The following OLA1 variants were observed in gnomAD, a reference collection of about 807,000 sequenced individuals.
The protein encoded by OLA1 is obg-like ATPase 1.
OLA1 carries 14 observed loss-of-function variants against 48.4 expected under a neutral mutation model. That is an observed-to-expected ratio of 0.29 (90% CI 0.19 to 0.45). The LOEUF (loss-of-function observed/expected upper bound fraction) is 0.45. OLA1 is among the 20% of genes least tolerant of loss of function. The pLI is 1.00. For synonymous variants in OLA1, 127 were observed against 150.4 expected, an observed-to-expected ratio of 0.84 and a Z score of 1.14; for missense variants, 325 against 467.1, an observed-to-expected ratio of 0.70 and a Z score of 2.80.
chr2:174,208,017 C>T (rs1370756877), intron 4 of OLA1, among the ~76,000 whole-genome samples: 2 of 152,140 alleles, frequency 1.3e-5, no homozygotes, highest in Non-Finnish European at 2.9e-5. Context: ...TTCTATGTTA[C>T]AAAATTTGCA....
intron 4 of OLA1, among the ~76,000 whole-genome samples, chr2:174,158,893 A>T (rs935000073): frequency 6.6e-6 from 1 of 152,170 alleles, no homozygotes; most frequent in Non-Finnish European, 1.5e-5. Flanking sequence ...ACTTCATGGC[A>T]AACTTATTCC....
rs753794760 is a variant in OLA1 at position 174,123,706 on chromosome 2, T to C, written c.550-31A>G. On this transcript the variant is annotated intron_variant, in intron 5 of 10. Coordinates refer to ENST00000284719, the MANE Select transcript of OLA1 (RefSeq NM_013341.5). Reference sequence around the variant, plus strand: ...CATGATTGAGAAAAAGGTAAATATATATGAATAACTAAACATTTAGATACT... The same window carrying C: ...CATGATTGAGAAAAAGGTAAATATACATGAATAACTAAACATTTAGATACT... 6.9e-6 allele frequency: 8 copies of C among 1,151,824 alleles called. No homozygotes were observed. The African/African-American group carries it at 7.9e-5, about 11-fold the overall frequency. 71.4% of individuals were successfully genotyped at this position (1,151,824 alleles called of 1,614,324 possible). A position where few individuals can be genotyped will look rare whatever the true frequency, so the allele number is the denominator to read the frequency against.
chr2:174,227,490 A>G (rs1050001798), intron 3 of OLA1, among the ~76,000 whole-genome samples: 2 of 152,216 alleles, frequency 1.3e-5, no homozygotes, highest in Non-Finnish European at 2.9e-5. Flanking sequence ...GAAGTATAAT[A>G]TGGCACATGT....
Position 174,188,889 on chromosome 2 carries a change from A to C in OLA1, c.373+34144T>G, listed in dbSNP as rs540008809. On this transcript the variant is annotated intron_variant, in intron 4 of 10. Transcript: ENST00000284719. Reference sequence around the variant, plus strand: ...ATTATGTATATGCAAATGTTCCAAAATCTGAGAAAATCCAAAATCCAAAAC... The same window carrying C: ...ATTATGTATATGCAAATGTTCCAAACTCTGAGAAAATCCAAAATCCAAAAC... Among the ~76,000 whole-genome samples, 80 of 152,314 alleles carry C rather than the reference A, an allele frequency of 5.3e-4. 1 individual carries two copies. Among genetic ancestry groups the C allele is most frequent in the Non-Finnish European group, 1.0e-3 (68 of 68,022 alleles).
Position 174,137,548 on chromosome 2 carries a change from A to G in OLA1, c.549+4277T>C, listed in dbSNP as rs78766312. On this transcript the variant is annotated intron_variant, in intron 5 of 10. Transcript: ENST00000284719. ...AAGTCCTAGATGGCCTCTTCTTCCA[A>G]GGCTGTTTTGTTGACATTGAACATC... 8.0e-3 allele frequency among the ~76,000 whole-genome samples: 1,214 copies of G among 152,334 alleles called. 18 individuals carry two copies. Among genetic ancestry groups the G allele is most frequent in the African/African-American group, 0.028 (1,144 of 41,580 alleles).
intron 7 of OLA1, among the ~76,000 whole-genome samples, chr2:174,100,908 A>C (rs1685379735): frequency 6.6e-6 from 1 of 152,096 alleles, no homozygotes; most frequent in Non-Finnish European, 1.5e-5. Flanking sequence ...ATAGACCACA[A>C]CTTATCCATT....
At chr2:174,120,249 C>T (rs181675929) in intron 7 of OLA1, among the ~76,000 whole-genome samples, 1 of 152,176 alleles carries the variant, frequency 6.6e-6, no homozygotes, top group African/African-American at 2.4e-5. Flanking sequence ...TTTGACAGTT[C>T]TAATGTCCTG....
At chr2:174,144,688 C>T (rs1305941104) in intron 4 of OLA1, among the ~76,000 whole-genome samples, 1 of 151,570 alleles carries the variant, frequency 6.6e-6, no homozygotes, top group African/African-American at 2.4e-5. Flanking sequence ...CATGGTGGCT[C>T]ACACCTGTAA....
At chr2:174,086,121 AG>A (rs1157003283) in intron 7 of OLA1, among the ~76,000 whole-genome samples, 1 of 152,174 alleles carries the variant, frequency 6.6e-6, no homozygotes, top group African/African-American at 2.4e-5. Flanking sequence ...CCTGGGATCC[AG>A]GGAAGTTTTA....
At chr2:174,175,933 GA>G (rs1327830383) in intron 4 of OLA1, among the ~76,000 whole-genome samples, 1 of 151,790 alleles carries the variant, frequency 6.6e-6, no homozygotes, top group Non-Finnish European at 1.5e-5. Context: ...AAGTCAAACA[GA>G]AAAAACTACA....
intron 7 of OLA1, among the ~76,000 whole-genome samples, chr2:174,089,731 G>A (rs1219643378): frequency 1.3e-5 from 2 of 151,684 alleles, no homozygotes; most frequent in East Asian, 1.9e-4. Flanking sequence ...GTGAAACGAC[G>A]TTTCTACAAA....
At chr2:174,124,611 T>G (rs1686004931) in intron 5 of OLA1, among the ~76,000 whole-genome samples, 1 of 152,194 alleles carries the variant, frequency 6.6e-6, no homozygotes, top group African/African-American at 2.4e-5. Flanking sequence ...AATTTAGCTC[T>G]TCCAGAAGAA....
At chr2:174,095,277 A>G (rs1574477954) in intron 7 of OLA1, among the ~76,000 whole-genome samples, 1 of 149,784 alleles carries the variant, frequency 6.7e-6, no homozygotes, top group Admixed American at 6.6e-5. Flanking sequence ...CCAGTACTGC[A>G]CAAGGGTTCT....
intron 4 of OLA1, among the ~76,000 whole-genome samples, chr2:174,143,589 T>C (rs1260754314): frequency 1.3e-5 from 2 of 152,196 alleles, no homozygotes; most frequent in Admixed American, 6.5e-5. Context: ...AGTGATGTCC[T>C]CAACAACATC....
At chr2:174,226,515 T>C (rs1294178958) in intron 3 of OLA1, among the ~76,000 whole-genome samples, 2 of 152,150 alleles carry the variant, frequency 1.3e-5, no homozygotes, top group South Asian at 2.1e-4. Context: ...TTTGTTCTTT[T>C]TTTGAGACAG....
intron 2 of OLA1, among the ~76,000 whole-genome samples, chr2:174,243,156 G>A (rs562764374): frequency 9.9e-5 from 15 of 152,250 alleles, no homozygotes; most frequent in East Asian, 1.9e-4. Context: ...TTACAGGGGC[G>A]TGCCACCACA....
chr2:174,211,207 T>A (rs149157627), intron 4 of OLA1, among the ~76,000 whole-genome samples: 18,465 of 148,296 alleles, frequency 0.12, 1,508 homozygotes, highest in Non-Finnish European at 0.19. Context: ...ACACACACAC[T>A]CTCTCTCTCT....
intron 7 of OLA1, among the ~76,000 whole-genome samples, chr2:174,106,080 A>G (rs946452012): frequency 6.6e-6 from 1 of 152,096 alleles, no homozygotes; most frequent in Non-Finnish European, 1.5e-5. Flanking sequence ...ATTTGAGGAC[A>G]TATGAAAGTA....
intron 7 of OLA1, among the ~76,000 whole-genome samples, chr2:174,120,762 T>C (rs1449582926): frequency 6.6e-6 from 1 of 152,202 alleles, no homozygotes; most frequent in Non-Finnish European, 1.5e-5. Flanking sequence ...GTAACTAAAG[T>C]GTTCAATACT....
Sources: allele counts gnomAD v4.1 joint callset (sites outside exome capture counted in the v4.1 genomes callset), GRCh38; gene constraint gnomAD v4.1.1; transcripts MANE v1.5; gene names NCBI Gene and HGNC (gene_info 2026-07-23, HGNC 2026-07-21).